The following RALGAPB variants were observed in gnomAD, a reference collection of about 807,000 sequenced individuals.
RALGAPB encodes the protein ral GTPase-activating protein subunit beta.
In RALGAPB, 25 loss-of-function variants were observed where a neutral mutation model predicts 161.1. The observed-to-expected ratio is 0.16, with a 90% CI of 0.11 to 0.22. The LOEUF (loss-of-function observed/expected upper bound fraction) is 0.22. Ranked by LOEUF, RALGAPB falls within the 10% of genes least tolerant of loss-of-function variation. The pLI is 1.00. For synonymous variants in RALGAPB, 629 were observed against 626.1 expected, an observed-to-expected ratio of 1.00 and a Z score of -0.07; for missense variants, 1,391 against 1,815.2, an observed-to-expected ratio of 0.77 and a Z score of 4.25.
chr20:38,527,318 C>A lies in RALGAPB; in HGVS notation c.2050+1276C>A, dbSNP rs1194951780. Reference sequence around the variant, plus strand: ...AATCCTTGAAATGGTTTCTAAAAGGCCTCTAAAACTGAGGGACAGATCCTG... The same window carrying A: ...AATCCTTGAAATGGTTTCTAAAAGGACTCTAAAACTGAGGGACAGATCCTG... On this transcript the variant is annotated intron_variant, in intron 13 of 29. Coordinates refer to ENST00000262879, the MANE Select transcript of RALGAPB (RefSeq NM_020336.4). Among the ~76,000 whole-genome samples, 3 of 152,106 alleles carry A rather than the reference C, an allele frequency of 2.0e-5. No homozygotes were observed. The East Asian group carries it at 5.8e-4, about 29-fold the overall frequency.
Position 38,551,155 on chromosome 20 carries a change from G to A in RALGAPB, c.3094G>A (p.Val1032Met). 6.2e-7 allele frequency: 1 copy of A among 1,613,942 alleles called. No homozygotes were observed. Residue 1032 changes from valine to methionine, a missense_variant, in exon 21 of 30, where the codon GTG becomes ATG. Val to Met is a conservative substitution (Grantham distance 21). Transcript: ENST00000262879. ...GAAACATCGGCCATTTCCTGAAGAG[G>A]TGGACAAGATTCCTTTTGTGAAAGC... Reference protein sequence around the residue: ...SVKHRPFPEEVDKIPFVKADL... With the variant: ...SVKHRPFPEEMDKIPFVKADL...
chr20:38,504,280 A>C (rs1373520196), intron 5 of RALGAPB, among the ~76,000 whole-genome samples: 1 of 151,476 alleles, frequency 6.6e-6, no homozygotes, highest in Non-Finnish European at 1.5e-5. Context: ...GTAAAGCTGC[A>C]TAACTACAGC....
At position 38,577,056 on chromosome 20, in the gene RALGAPB, G is replaced by T. The variant is rs182208564; in HGVS notation, c.*2089G>T. 7.2e-4 allele frequency: 109 copies of T among 152,378 alleles called. No individual in the cohort carries two copies. Among genetic ancestry groups the T allele is most frequent in the Non-Finnish European group, 1.8e-4 (12 of 68,024 alleles). The allele number at this position is 152,378 out of a possible 1,614,324, so 9.4% of individuals were successfully genotyped here. A position where few individuals can be genotyped will look rare whatever the true frequency, so the allele number is the denominator to read the frequency against. On this transcript the variant is annotated 3_prime_UTR_variant, in exon 30 of 30. Coordinates refer to ENST00000262879, the MANE Select transcript of RALGAPB (RefSeq NM_020336.4). The stretch of plus-strand genomic sequence containing the variant: ...GAACAATCATGTTGAATGCATTTGT[G>T]ATCTGGGAGACTTCCTCGTCTTCCA...
In RALGAPB at chr20:38,562,590, T is replaced by G; in HGVS notation, c.3590T>G (p.Leu1197Arg). 6.2e-7 allele frequency: 1 copy of G among 1,613,822 alleles called. No individual in the cohort carries two copies. Among genetic ancestry groups the G allele is most frequent in the Non-Finnish European group, 8.5e-7 (1 of 1,179,756 alleles). ...CAGCCACATTTCCTAGAATTTTTGC[T>G]TTCCCTTGGCTGGTCAGTAGATGTG... ...TVQPHFLEFL[L>R]SLGWSVDVGR... The change falls in exon 24 of 30, where the codon CTT (leucine) becomes CGT (arginine). Residue 1197 changes from leucine to arginine, a missense_variant. By Grantham distance (102) the Leu-to-Arg change is moderately radical (BLOSUM62 -2). This residue lies in a region of RALGAPB where 436 missense variants were observed against 527.0 expected (regional missense o/e 0.83). Coordinates refer to ENST00000262879, the MANE Select transcript of RALGAPB (RefSeq NM_020336.4).
At chr20:38,519,025 C>A (rs917893086) in intron 9 of RALGAPB, among the ~76,000 whole-genome samples, 2 of 152,046 alleles carry the variant, frequency 1.3e-5, no homozygotes, top group African/African-American at 2.4e-5. Flanking sequence ...TGTCTGTGAA[C>A]ATTATACTCG....
intron 1 of RALGAPB, among the ~76,000 whole-genome samples, chr20:38,485,616 G>A (rs1190242952): frequency 2.6e-5 from 4 of 152,014 alleles, no homozygotes; most frequent in African/African-American, 4.8e-5. Flanking sequence ...TAGTAGAGAC[G>A]GGGTTTTGCC....
Position 38,509,147 on chromosome 20 carries a change from C to G in RALGAPB, c.811C>G (p.Pro271Ala), listed in dbSNP as rs2085858141. 4.3e-6 allele frequency: 7 copies of G among 1,613,438 alleles called. No individual in the cohort carries two copies. The highest frequency in any genetic ancestry group is 5.9e-6 in the Non-Finnish European group (7 of 1,179,360). ...KVPDEDASLI[P>A]PEMDNECVAQ... ...TCCCGATGAAGATGCCAGTCTGATCCCTCCAGAAATGGATAATGAGTGTGT... is the reference window on the plus strand; with the variant it reads ...TCCCGATGAAGATGCCAGTCTGATCGCTCCAGAAATGGATAATGAGTGTGT... Residue 271 changes from proline to alanine, a missense_variant, in exon 6 of 30, where the codon CCT becomes GCT. Pro to Ala is a conservative substitution (Grantham distance 27). Around this residue, in one of 3 missense-constraint regions of RALGAPB, gnomAD observed 946 missense variants for 1,257.2 expected, o/e 0.75. Transcript: ENST00000262879.
chr20:38,516,082 T>C, intron 6 of RALGAPB, 110 bp from the exon 7 acceptor site: 1 of 818,212 alleles, frequency 1.2e-6, no homozygotes, highest in Non-Finnish European at 1.8e-6. Context: ...ATCAGTCTCT[T>C]TTCTGAATCA....
chr20:38,568,242 TAAAAACAAAAAAAC>T (rs1020289663), intron 26 of RALGAPB, among the ~76,000 whole-genome samples: 5 of 145,352 alleles, frequency 3.4e-5, no homozygotes, highest in African/African-American at 1.3e-4. Context: ...ACTAACAGAC[TAAAAACAAAAAAAC>T]AAAAACAAAA....
At chr20:38,484,134 C>T (rs554151143) in intron 1 of RALGAPB, among the ~76,000 whole-genome samples, 3 of 152,102 alleles carry the variant, frequency 2.0e-5, no homozygotes, top group South Asian at 2.1e-4. Flanking sequence ...GCCAAGATGG[C>T]GCTATTGCAC....
chr20:38,512,334 A>G (rs2085986247), intron 6 of RALGAPB, among the ~76,000 whole-genome samples: 3 of 152,366 alleles, frequency 2.0e-5, no homozygotes, highest in Admixed American at 2.0e-4. Flanking sequence ...GTGACTAATT[A>G]AAAGTACTTC....
intron 3 of RALGAPB, 59 bp from the exon 4 acceptor site, chr20:38,497,294 C>T: frequency 6.6e-7 from 1 of 1,523,806 alleles, no homozygotes; most frequent in Middle Eastern, 1.8e-4. Flanking sequence ...GTCACCTGTC[C>T]TGAAGCTGTT....
intron 21 of RALGAPB, among the ~76,000 whole-genome samples, chr20:38,553,071 G>A (rs2087433947): frequency 6.6e-6 from 1 of 152,180 alleles, no homozygotes; most frequent in Non-Finnish European, 1.5e-5. Flanking sequence ...AGTAGAGCAC[G>A]AGCTCAGGAA....
chr20:38,519,149 C>T (rs1245756655), intron 9 of RALGAPB, among the ~76,000 whole-genome samples: 1 of 152,118 alleles, frequency 6.6e-6, no homozygotes, highest in Non-Finnish European at 1.5e-5. Context: ...TCTTTGCTTG[C>T]TTTATTTTGT....
At position 38,521,578 on chromosome 20, in the gene RALGAPB, T is replaced by G; in HGVS notation, c.1499T>G (p.Phe500Cys). Residue 500 changes from phenylalanine to cysteine, a missense_variant, in exon 10 of 30, where the codon TTT (phenylalanine) becomes TGT (cysteine). By Grantham distance (205) the Phe-to-Cys change is radical (BLOSUM62 -2). Transcript: ENST00000262879. ...GACACCATGGTTTCCAATCCTATGT[T>G]TGATGCAAGTGAATTTCCTGATAAC... ...STDTMVSNPMFDASEFPDNYE... is the reference protein window; with the variant it reads ...STDTMVSNPMCDASEFPDNYE... 6.2e-7 allele frequency: 1 copy of G among 1,614,162 alleles called. No homozygotes were observed. Among genetic ancestry groups the G allele is most frequent in the Non-Finnish European group, 8.5e-7 (1 of 1,180,002 alleles).
chr20:38,535,247 G>T, intron 16 of RALGAPB, 40 bp downstream of exon 16: 1 of 1,605,122 alleles, frequency 6.2e-7, no homozygotes, highest in Non-Finnish European at 8.5e-7. Flanking sequence ...CAACAGCCTT[G>T]GGCCTTGGCT....
At chr20:38,567,344 T>A in intron 26 of RALGAPB, 112 bp downstream of exon 26, 1 of 1,340,448 alleles carries the variant, frequency 7.5e-7, no homozygotes, top group East Asian at 2.6e-5. Flanking sequence ...GAGTACTGAT[T>A]CCTTAGTAAC....
At chr20:38,481,307 C>G (rs753006720) in intron 1 of RALGAPB, among the ~76,000 whole-genome samples, 6 of 152,098 alleles carry the variant, frequency 3.9e-5, no homozygotes, top group African/African-American at 1.4e-4. Flanking sequence ...AGGTATTAGT[C>G]TGTTTTCATG....
At chr20:38,507,847 T>C (rs1192203126) in intron 5 of RALGAPB, among the ~76,000 whole-genome samples, 1 of 152,034 alleles carries the variant, frequency 6.6e-6, no homozygotes, top group Non-Finnish European at 1.5e-5. Context: ...GTTGTTCCCA[T>C]TGTTTTATTT....
Sources: allele counts gnomAD v4.1 joint callset (sites outside exome capture counted in the v4.1 genomes callset), GRCh38; gene constraint gnomAD v4.1.1; regional missense constraint gnomAD v4.1.1; transcripts MANE v1.5; gene names NCBI Gene and HGNC (gene_info 2026-07-23, HGNC 2026-07-21).